Variants in TGM7 observed in about 807,000 individuals in gnomAD.
TGM7 encodes transglutaminase 7, also known as protein-glutamine gamma-glutamyltransferase Z.
A neutral mutation model predicts 79.5 loss-of-function variants in TGM7; 74 were observed. The observed-to-expected ratio is 0.93, with a 90% CI of 0.77 to 1.13. The LOEUF (loss-of-function observed/expected upper bound fraction) is 1.13, where lower values mean the gene tolerates loss of function less well. TGM7 is among the 50% of genes most tolerant of loss of function. TGM7 has a pLI of 0.00. For synonymous variants in TGM7, 354 were observed against 362.5 expected (o/e 0.98, Z 0.27); for missense variants, 912 against 905.9 (o/e 1.01, Z -0.09).
intron 1 of TGM7, among the ~76,000 whole-genome samples, chr15:43,295,773 C>T (rs888013359): frequency 6.6e-6 from 1 of 152,176 alleles, no homozygotes; most frequent in Admixed American, 6.5e-5. Context: ...GCATAAGGAT[C>T]CCTTGATCTG....
At chr15:43,277,088 C>T in intron 11 of TGM7, 93 bp from the exon 12 acceptor site, 2 of 1,516,704 alleles carry the variant, frequency 1.3e-6, no homozygotes, top group African/African-American at 1.4e-5. Flanking sequence ...CTGGCGACCA[C>T]CAGGAACTGC....
intron 4 of TGM7, among the ~76,000 whole-genome samples, chr15:43,289,835 T>G (rs2042955391): frequency 6.6e-6 from 1 of 152,232 alleles, no homozygotes; most frequent in African/African-American, 2.4e-5. Flanking sequence ...CATTTTTTCA[T>G]GTGTCTTTTG....
At chr15:43,301,504 C>T (rs891224019) in intron 1 of TGM7, among the ~76,000 whole-genome samples, 16 of 151,528 alleles carry the variant, frequency 1.1e-4, no homozygotes, top group Admixed American at 7.9e-4. Flanking sequence ...GTGGCAGGCA[C>T]CTGTAATCCC....
At chr15:43,280,906 C>A (rs981348929) in intron 9 of TGM7, among the ~76,000 whole-genome samples, 1 of 152,168 alleles carries the variant, frequency 6.6e-6, no homozygotes, top group Non-Finnish European at 1.5e-5. Flanking sequence ...CAAAGGCAGC[C>A]GCTGAGTGTC....
At chr15:43,283,253 GAT>G (rs1293453853) in intron 7 of TGM7, among the ~76,000 whole-genome samples, 1 of 152,188 alleles carries the variant, frequency 6.6e-6, no homozygotes, top group Non-Finnish European at 1.5e-5. Flanking sequence ...ATTGGATATT[GAT>G]ATGATGCCTT....
At chr15:43,289,075 AT>A (rs2042951465) in intron 4 of TGM7, among the ~76,000 whole-genome samples, 1 of 146,968 alleles carries the variant, frequency 6.8e-6, no homozygotes. Context: ...TTTTTTTTTT[AT>A]TCTACTTTAA....
intron 10 of TGM7, 57 bp from the exon 11 acceptor site, chr15:43,279,334 C>A: frequency 6.4e-7 from 1 of 1,563,612 alleles, no homozygotes; most frequent in Non-Finnish European, 8.7e-7. Context: ...AGAGGGGGGA[C>A]ATGTAGATGT....
rs551388288 is a variant in TGM7 at position 43,278,972 on chromosome 15, T to C, written c.1839+145A>G. On this transcript the variant is annotated intron_variant, in intron 11 of 12. Coordinates refer to ENST00000452443, the MANE Select transcript of TGM7 (RefSeq NM_052955.3). ...TCATGCCCCTCCAACCCCACGCTGG[T>C]ACAGAGCACTAGACCACACCATACT... 28 of 809,374 alleles carry C rather than the reference T, an allele frequency of 3.5e-5. No individual in the cohort carries two copies. The Admixed American group carries it at 8.7e-4, about 25-fold the overall frequency. 50.1% of individuals were successfully genotyped at this position (809,374 alleles called of 1,614,324 possible). A position where few individuals can be genotyped will look rare whatever the true frequency, so the allele number is the denominator to read the frequency against.
At chr15:43,287,519 G>T in intron 5 of TGM7, 22 bp downstream of exon 5, 1 of 1,612,924 alleles carries the variant, frequency 6.2e-7, no homozygotes, top group Non-Finnish European at 8.5e-7. Context: ...GTCCTCAGAC[G>T]GCGGGAAGCA....
chr15:43,300,629 G>T (rs1332516270), intron 1 of TGM7, among the ~76,000 whole-genome samples: 1 of 152,110 alleles, frequency 6.6e-6, no homozygotes, highest in Admixed American at 6.6e-5. Flanking sequence ...GTGAAACCCT[G>T]TCTCTACTAA....
intron 2 of TGM7, 46 bp from the exon 3 acceptor site, chr15:43,293,000 A>G (rs780065773): frequency 5.6e-6 from 9 of 1,598,130 alleles, no homozygotes; most frequent in Non-Finnish European, 4.3e-6. Flanking sequence ...AAAAACCTGT[A>G]TGGTATATGA....
chr15:43,295,406 C>G (rs1278801889), intron 1 of TGM7, among the ~76,000 whole-genome samples: 2 of 152,202 alleles, frequency 1.3e-5, no homozygotes, highest in Non-Finnish European at 2.9e-5. Context: ...ACCTGGCCAA[C>G]ATGGTGAAAC....
At chr15:43,292,422 G>A (rs543262925) in intron 3 of TGM7, among the ~76,000 whole-genome samples, 1 of 152,310 alleles carries the variant, frequency 6.6e-6, no homozygotes, top group Non-Finnish European at 1.5e-5. Context: ...ACTACTCAGA[G>A]ACACCCACCG....
chr15:43,278,989 C>T (rs1372591693), intron 11 of TGM7, 128 bp downstream of exon 11: 2 of 1,034,756 alleles, frequency 1.9e-6, no homozygotes, highest in Non-Finnish European at 2.8e-6. Flanking sequence ...CACTAGACCA[C>T]ACCATACTGT....
At chr15:43,293,422 C>CG (rs769651501) in intron 2 of TGM7, 27 bp downstream of exon 2, 6 of 1,561,230 alleles carry the variant, frequency 3.8e-6, no homozygotes, top group Admixed American at 1.8e-5. Context: ...ACGGAACCTG[C>CG]GGGGCCTTGG....
chr15:43,281,719 C>T, intron 9 of TGM7, 125 bp downstream of exon 9: 1 of 1,415,568 alleles, frequency 7.1e-7, no homozygotes, highest in Non-Finnish European at 9.7e-7. Flanking sequence ...CCAGGAAGGA[C>T]CCCTAGGAGT....
chr15:43,296,980 A>G (rs1282042393), intron 1 of TGM7, among the ~76,000 whole-genome samples: 1 of 152,200 alleles, frequency 6.6e-6, no homozygotes, highest in African/African-American at 2.4e-5. Context: ...AGAATCAGTT[A>G]GTAAAAACAT....
intron 1 of TGM7, among the ~76,000 whole-genome samples, chr15:43,294,477 C>G (rs2042982635): frequency 6.6e-6 from 1 of 152,202 alleles, no homozygotes; most frequent in Admixed American, 6.5e-5. Flanking sequence ...AATTGTATTC[C>G]TACCTTATAG....
At chr15:43,278,985 A>G in intron 11 of TGM7, 132 bp downstream of exon 11, 2 of 977,262 alleles carry the variant, frequency 2.0e-6, no homozygotes, top group Non-Finnish European at 3.0e-6. Flanking sequence ...AGAGCACTAG[A>G]CCACACCATA....
Sources: gnomAD v4.1 joint callset for allele counts (sites outside exome capture counted in the v4.1 genomes callset) on GRCh38, gnomAD v4.1.1 for gene constraint, MANE v1.5 for transcripts, NCBI Gene and HGNC (gene_info 2026-07-23, HGNC 2026-07-21) for gene names.